Variants in MRPS18A observed in about 807,000 individuals in gnomAD.
MRPS18A encodes the protein mitochondrial ribosomal protein S18A.
A neutral mutation model predicts 22.7 loss-of-function variants in MRPS18A; 20 were observed. The observed-to-expected ratio is 0.88, with a 90% CI of 0.62 to 1.28. The LOEUF is 1.28. Among genes scored for constraint, MRPS18A ranks in the 50% most tolerant of loss-of-function variants. The pLI is 0.00. For missense variants in MRPS18A, 294 were observed against 262.6 expected (o/e 1.12, Z -0.83); for synonymous variants, 106 against 99.1 (o/e 1.07, Z -0.41).
At chr6:43,681,053 A>T in intron 2 of MRPS18A, 36 bp downstream of exon 2, 12 of 1,608,736 alleles carry the variant, frequency 7.5e-6, no homozygotes, top group Non-Finnish European at 9.4e-6. Context: ...TCCAAGCGTT[A>T]AAGAGGTTAT....
rs1267985191 is a variant in MRPS18A at position 43,673,005 on chromosome 6, T to TTTA, written c.447-1100_447-1099insTAA. On this transcript the variant is annotated intron_variant, in intron 5 of 5. Transcript: ENST00000372133. The surrounding 1 kb of genome is among the most constrained non-coding windows in gnomAD (Gnocchi z 4.2). ...GGACTGCTTTTTTTTTTTTTTTTTT[T>TTTA]GAGGCGAAGTCTTGCTCTGTTGCCC... 6.7e-6 allele frequency among the ~76,000 whole-genome samples: 1 copy of TTTA among 150,140 alleles called. No individual in the cohort carries two copies. The highest frequency in any genetic ancestry group is 2.5e-5 in the African/African-American group (1 of 40,476).
At position 43,675,326 on chromosome 6, in the gene MRPS18A, G is replaced by A. The variant is rs775568128; in HGVS notation, c.377-55C>T. The A allele has an allele frequency of 2.6e-6, 4 of 1,564,790 alleles. No individual in the cohort carries two copies. In the Admixed American group the frequency reaches 7.1e-5, roughly 28 times the overall value. On this transcript the variant is annotated intron_variant, in intron 4 of 5. Coordinates refer to ENST00000372133, the MANE Select transcript of MRPS18A (RefSeq NM_018135.4). ...TGCAGCTCCCTCTGCAGCTCTGAGG[G>A]GGCCAGAGGGAAAGCCCAAGGGAGC...
At chr6:43,681,270 G>T in intron 1 of MRPS18A, 150 bp from the exon 2 acceptor site, 1 of 862,802 alleles carries the variant, frequency 1.2e-6, no homozygotes, top group Non-Finnish European at 1.8e-6. Flanking sequence ...AGCATGCAGG[G>T]TTCACCCCAC....
At chr6:43,678,737 G>T (rs1288491886) in intron 2 of MRPS18A, 112 bp from the exon 3 acceptor site, 1 of 740,098 alleles carries the variant, frequency 1.4e-6, no homozygotes, top group East Asian at 2.8e-5. Context: ...TACCTTGGGG[G>T]TTCTTGTGGG....
chr6:43,683,388 T>C (rs548264536), intron 1 of MRPS18A, among the ~76,000 whole-genome samples: 1 of 152,312 alleles, frequency 6.6e-6, no homozygotes, highest in South Asian at 2.1e-4. Context: ...ACCTGGTCCT[T>C]GAGGCCCTTA....
chr6:43,676,218 T>C (rs1281417164), intron 3 of MRPS18A, among the ~76,000 whole-genome samples: 1 of 152,134 alleles, frequency 6.6e-6, no homozygotes, highest in African/African-American at 2.4e-5. Context: ...CACCAATCTT[T>C]TATGTACCTG....
In MRPS18A at chr6:43,671,446, C is replaced by A. The variant is rs41281834; in HGVS notation, c.*316G>T. 1,522 of 454,268 alleles carry A rather than the reference C, an allele frequency of 3.4e-3. 9 individuals are homozygous for A. The highest frequency in any genetic ancestry group is 0.012 in the South Asian group (492 of 41,060). 28.1% of individuals were successfully genotyped at this position (454,268 alleles called of 1,614,324 possible). A position where few individuals can be genotyped will look rare whatever the true frequency, so the allele number is the denominator to read the frequency against. ...CACTTCCCAAGCAGTGAGCGCACAC[C>A]CAATGGGTAAGCCCATGAACCCAGT... On this transcript the variant is annotated 3_prime_UTR_variant, in exon 6 of 6. Transcript: ENST00000372133.
At chr6:43,678,671 T>TG in intron 2 of MRPS18A, 46 bp from the exon 3 acceptor site, 1 of 1,346,926 alleles carries the variant, frequency 7.4e-7, no homozygotes. Flanking sequence ...AGGACCTGCG[T>TG]GGAGCCACAT....
intron 1 of MRPS18A, among the ~76,000 whole-genome samples, chr6:43,685,133 A>C (rs1463201654): frequency 1.3e-5 from 2 of 152,224 alleles, no homozygotes; most frequent in Admixed American, 1.3e-4. Context: ...ATGCTGGGCA[A>C]GCTATTAAAC....
At chr6:43,677,553 A>G (rs1055725436) in intron 3 of MRPS18A, among the ~76,000 whole-genome samples, 10 of 152,076 alleles carry the variant, frequency 6.6e-5, no homozygotes, top group Non-Finnish European at 1.3e-4. Context: ...ACAAGTAAGG[A>G]TTTCTCCAGG....
At chr6:43,672,515 A>T (rs1286107872) in intron 5 of MRPS18A, 5 of 455,188 alleles carry the variant, frequency 1.1e-5, no homozygotes, top group Non-Finnish European at 2.3e-5. Context: ...GGGGATGGCC[A>T]GGGCCCTGAT....
At chr6:43,683,208 C>G (rs1000004865) in intron 1 of MRPS18A, among the ~76,000 whole-genome samples, 2 of 152,312 alleles carry the variant, frequency 1.3e-5, no homozygotes, top group African/African-American at 4.8e-5. Context: ...CTCCACGCAG[C>G]AACTGTGAGC....
At position 43,675,272 on chromosome 6, in the gene MRPS18A, C is replaced by T. The variant is rs1299158863; in HGVS notation, c.377-1G>A. 6.5e-7 allele frequency: 1 copy of T among 1,535,380 alleles called. No individual in the cohort carries two copies. Among genetic ancestry groups the T allele is most frequent in the Non-Finnish European group, 8.8e-7 (1 of 1,141,384 alleles). The stretch of plus-strand genomic sequence containing the variant: ...CGAGGCCTGTGATTTGGTAATAGAC[C>T]TGAGTGGCGGGGAAGAGGGGATAGT... On this transcript the variant is annotated splice_acceptor_variant, in intron 4 of 5. Transcript: ENST00000372133. LOFTEE classifies it high-confidence loss of function.
intron 5 of MRPS18A, among the ~76,000 whole-genome samples, chr6:43,674,276 G>A (rs920314940): frequency 2.0e-5 from 3 of 152,182 alleles, no homozygotes; most frequent in Non-Finnish European, 4.4e-5. Context: ...TAGGAGGTCT[G>A]CTGGGGGCTG....
chr6:43,684,359 T>C (rs190062783), intron 1 of MRPS18A, among the ~76,000 whole-genome samples: 3 of 152,146 alleles, frequency 2.0e-5, no homozygotes, highest in East Asian at 1.9e-4. Flanking sequence ...GTGGCCCTAA[T>C]AGTCTTATGT....
intron 5 of MRPS18A, chr6:43,672,522 T>G: frequency 2.3e-6 from 1 of 438,968 alleles, no homozygotes; most frequent in Non-Finnish European, 4.8e-6. Context: ...GCCAGGGCCC[T>G]GATAGTTCCC....
intron 2 of MRPS18A, 123 bp downstream of exon 2, chr6:43,680,966 G>T: frequency 1.2e-6 from 1 of 827,288 alleles, no homozygotes. Context: ...TGGGATTTAT[G>T]GTCATTGAGG....
At chr6:43,672,985 G>A (rs1388366962) in intron 5 of MRPS18A, among the ~76,000 whole-genome samples, 9 of 137,346 alleles carry the variant, frequency 6.6e-5, no homozygotes, top group South Asian at 2.6e-4. Flanking sequence ...TATAGGGACT[G>A]CTTTTTTTTT....
chr6:43,681,141 A>G (rs371636917), intron 1 of MRPS18A, 21 bp from the exon 2 acceptor site: 1 of 1,610,344 alleles, frequency 6.2e-7, no homozygotes, highest in African/African-American at 1.3e-5. Flanking sequence ...AAAGGGGGAA[A>G]CATTAGGTCA....
Sources: allele counts gnomAD v4.1 joint callset (sites outside exome capture counted in the v4.1 genomes callset), GRCh38; gene constraint gnomAD v4.1.1; non-coding constraint Gnocchi (gnomAD v3.1); transcripts MANE v1.5; gene names NCBI Gene and HGNC (gene_info 2026-07-23, HGNC 2026-07-21).